Variants in ARMC9 observed in about 807,000 individuals in gnomAD.
ARMC9 encodes the protein armadillo repeat containing 9.
ARMC9 carries 94 observed loss-of-function variants against 107.0 expected under a neutral mutation model. The observed-to-expected ratio is 0.88, with a 90% CI of 0.74 to 1.04. The LOEUF (loss-of-function observed/expected upper bound fraction) is 1.04, where lower values mean the gene tolerates loss of function less well. Among genes scored for constraint, ARMC9 ranks in the 50% least tolerant of loss-of-function variants. The pLI is 0.00. For missense variants in ARMC9, 942 were observed against 1,030.1 expected, an observed-to-expected ratio of 0.91 and a Z score of 1.17; for synonymous variants, 380 against 396.9, an observed-to-expected ratio of 0.96 and a Z score of 0.51.
intron 16 of ARMC9, among the ~76,000 whole-genome samples, chr2:231,279,028 C>T (rs968532140): frequency 3.3e-5 from 5 of 152,198 alleles, no homozygotes; most frequent in African/African-American, 4.8e-5. Flanking sequence ...CATCCACTCT[C>T]TGTTGCCACA....
intron 21 of ARMC9, among the ~76,000 whole-genome samples, chr2:231,353,966 C>CATAT (rs1427406856): frequency 4.8e-4 from 65 of 136,216 alleles, no homozygotes; most frequent in African/African-American, 1.4e-3. Flanking sequence ...AACAATGCAG[C>CATAT]ATATATGTAT....
chr2:231,278,537 A>C lies in ARMC9; in HGVS notation c.1551+79A>C. 4 of 1,285,540 alleles carry C rather than the reference A, an allele frequency of 3.1e-6. No homozygotes were observed. The Admixed American group carries it at 6.9e-5, about 22-fold the overall frequency. The allele number at this position is 1,285,540 out of a possible 1,614,324, so 79.6% of individuals were successfully genotyped here. On this transcript the variant is annotated intron_variant, in intron 16 of 24. Coordinates refer to ENST00000611582, the MANE Select transcript of ARMC9 (RefSeq NM_001352754.2). ...AATGCCTGTGACCCCACAGGCACACAGCTGGCCCAGGATGGTTGCTGTATT... is the reference window on the plus strand; with the variant it reads ...AATGCCTGTGACCCCACAGGCACACCGCTGGCCCAGGATGGTTGCTGTATT...
chr2:231,308,276 C>G (rs1168489018), intron 19 of ARMC9, among the ~76,000 whole-genome samples: 1 of 152,216 alleles, frequency 6.6e-6, no homozygotes, highest in Non-Finnish European at 1.5e-5. Flanking sequence ...ACCCTTCTGC[C>G]AGGTGTGTGC....
chr2:231,293,791 G>C (rs867426242), intron 18 of ARMC9: 2 of 152,188 alleles, frequency 1.3e-5, no homozygotes, highest in East Asian at 3.8e-4. Flanking sequence ...ATAGGACAGC[G>C]GCAGGAGCCC....
chr2:231,338,097 T>C (rs1397364208), intron 20 of ARMC9, among the ~76,000 whole-genome samples: 2 of 152,232 alleles, frequency 1.3e-5, no homozygotes, highest in African/African-American at 4.8e-5. Context: ...GATTTAGGCT[T>C]TGTGGGTCCT....
chr2:231,242,322 A>G lies in ARMC9; in HGVS notation c.879+2281A>G, dbSNP rs566416432. On this transcript the variant is annotated intron_variant, in intron 9 of 24. Transcript: ENST00000611582. ...TTGACCACTTCCTCTCAGCCTAACA[A>G]ATATCTCAGAATGGCTGGCTGTCAG... Among the ~76,000 whole-genome samples, 454 of 152,248 alleles carry G rather than the reference A, an allele frequency of 3.0e-3. 1 individual carries two copies. Among genetic ancestry groups the G allele is most frequent in the East Asian group, 8.7e-3 (45 of 5,184 alleles).
intron 8 of ARMC9, among the ~76,000 whole-genome samples, chr2:231,237,531 A>C (rs1157650330): frequency 2.0e-5 from 3 of 151,864 alleles, no homozygotes; most frequent in African/African-American, 7.2e-5. Flanking sequence ...GCATTTTGAT[A>C]GAGGTTGCTA....
chr2:231,289,273 C>T (rs1036532804), intron 17 of ARMC9, among the ~76,000 whole-genome samples: 8 of 152,170 alleles, frequency 5.3e-5, no homozygotes, highest in African/African-American at 1.7e-4. Flanking sequence ...TCGAGACCAG[C>T]CTGGGTGACA....
In ARMC9 at chr2:231,198,686, G is replaced by C. The variant is rs759508974; in HGVS notation, c.-54G>C. On this transcript the variant is annotated 5_prime_UTR_variant, in exon 1 of 25. Transcript: ENST00000611582. ...GGGCTGGGATAGCGCGAGTGTCCGC[G>C]GCCGAGCAGCAGGTAAGCGCGTCCC... 2.6e-5 allele frequency: 4 copies of C among 152,182 alleles called. No individual in the cohort carries two copies. The highest frequency in any genetic ancestry group is 5.9e-5 in the Non-Finnish European group (4 of 68,036). 9.4% of individuals were successfully genotyped at this position (152,182 alleles called of 1,614,324 possible). A position where few individuals can be genotyped will look rare whatever the true frequency, so the allele number is the denominator to read the frequency against.
rs764558668 is a variant in ARMC9 at position 231,296,305 on chromosome 2, C to G, written c.1773+52C>G. The G allele has an allele frequency of 7.7e-6, 11 of 1,428,832 alleles. No individual in the cohort carries two copies. The Admixed American group carries it at 1.8e-4, about 24-fold the overall frequency. The allele number at this position is 1,428,832 out of a possible 1,614,324, so 88.5% of individuals were successfully genotyped here. Reference sequence around the variant, plus strand: ...TAGAAAACCCATACCAAACTATTCTCTCTTTCCTGCCTTGACAAGTTAGTC... The same window carrying G: ...TAGAAAACCCATACCAAACTATTCTGTCTTTCCTGCCTTGACAAGTTAGTC... On this transcript the variant is annotated intron_variant, in intron 19 of 24. Transcript: ENST00000611582.
rs75615000 is a variant in ARMC9 at position 231,211,729 on chromosome 2, C to T, written c.178-3102C>T. 5.9e-3 allele frequency among the ~76,000 whole-genome samples: 891 copies of T among 152,204 alleles called. 9 individuals are homozygous for T. Among genetic ancestry groups the T allele is most frequent in the Middle Eastern group, 0.017 (5 of 294 alleles). On this transcript the variant is annotated intron_variant, in intron 3 of 24. Coordinates refer to ENST00000611582, the MANE Select transcript of ARMC9 (RefSeq NM_001352754.2). Reference sequence around the variant, plus strand: ...TCCATTCCCACCAGCAGTACATAAGCGTTCCAGTTTCTCTACATCCTTGCC... The same window carrying T: ...TCCATTCCCACCAGCAGTACATAAGTGTTCCAGTTTCTCTACATCCTTGCC...
Position 231,291,406 on chromosome 2 carries a change from C to A in ARMC9, c.1680C>A (p.Ile560=). The A allele has an allele frequency of 6.2e-7, 1 of 1,613,760 alleles. No individual in the cohort carries two copies. Among genetic ancestry groups the A allele is most frequent in the South Asian group, 1.1e-5 (1 of 91,068 alleles). The part of the protein sequence containing the change: ...CFIKEGNAEM[I]RQIEFIIKQL... The stretch of plus-strand genomic sequence containing the variant: ...TCAAAGAAGGCAATGCTGAAATGAT[C>A]CGCCAGATAGAATTCATCATCAAGC... Residue 560 remains isoleucine, a synonymous_variant, in exon 18 of 25, where the codon ATC becomes ATA. Transcript: ENST00000611582.
At chr2:231,265,952 T>C (rs992662218) in intron 12 of ARMC9, among the ~76,000 whole-genome samples, 1 of 150,864 alleles carries the variant, frequency 6.6e-6, no homozygotes, top group Non-Finnish European at 1.5e-5. Context: ...AAGCTGAGAT[T>C]GCGCCACTGG....
chr2:231,262,307 G>A lies in ARMC9; in HGVS notation c.1028G>A (p.Arg343His), dbSNP rs763548326. 22 of 1,613,928 alleles carry A rather than the reference G, an allele frequency of 1.4e-5. No homozygotes were observed. The highest frequency in any genetic ancestry group is 3.3e-5 in the South Asian group (3 of 91,088). Residue 343 changes from arginine to histidine, a missense_variant and splice_region_variant, in exon 12 of 25, where the codon CGC (arginine) becomes CAC (histidine). Coordinates refer to ENST00000611582, the MANE Select transcript of ARMC9 (RefSeq NM_001352754.2). ...TACTTTTGTTTTTCTTTGCTCCAGC[G>A]CTTGACCACATCCCATCCTGGAGAG... ...KAFLLQALRW[R>H]LTTSHPGEQR...
intron 1 of ARMC9, among the ~76,000 whole-genome samples, chr2:231,205,486 G>C (rs1361148727): frequency 6.6e-6 from 1 of 152,184 alleles, no homozygotes; most frequent in Admixed American, 6.5e-5. Context: ...TAACATTAGA[G>C]CCCAGACCTT....
chr2:231,246,447 CG>C (rs1345771970), intron 9 of ARMC9, among the ~76,000 whole-genome samples: 1 of 152,084 alleles, frequency 6.6e-6, no homozygotes, highest in African/African-American at 2.4e-5. Context: ...GAAGTAAGAG[CG>C]TGTGGTGTTA....
At chr2:231,202,907 G>A (rs1288555058) in intron 1 of ARMC9, among the ~76,000 whole-genome samples, 1 of 152,062 alleles carries the variant, frequency 6.6e-6, no homozygotes. Flanking sequence ...AGCAGACTTG[G>A]GGGGTATGCC....
chr2:231,337,290 A>ATTTTTTTTT (rs58078324), intron 20 of ARMC9, among the ~76,000 whole-genome samples: 6 of 38,018 alleles, frequency 1.6e-4, no homozygotes, highest in South Asian at 1.1e-3. Context: ...ATATATATAT[A>ATTTTTTTTT]TTTTTTTTTT....
intron 19 of ARMC9, among the ~76,000 whole-genome samples, chr2:231,310,327 T>C (rs1212466778): frequency 6.7e-6 from 1 of 150,164 alleles, no homozygotes; most frequent in Non-Finnish European, 1.5e-5. Flanking sequence ...GGCAGGAGAA[T>C]TGAATTGCTT....
Sources: allele counts gnomAD v4.1 joint callset (sites outside exome capture counted in the v4.1 genomes callset), GRCh38; gene constraint gnomAD v4.1.1; transcripts MANE v1.5; gene names NCBI Gene and HGNC (gene_info 2026-07-23, HGNC 2026-07-21).